The following VAV3 variants were observed in gnomAD, a reference collection of about 807,000 sequenced individuals.
VAV3 encodes guanine nucleotide exchange factor VAV3.
A neutral mutation model predicts 131.2 loss-of-function variants in VAV3; 94 were observed. The observed-to-expected ratio is 0.72, with a 90% confidence interval of 0.61 to 0.85. VAV3 has a LOEUF of 0.85. VAV3 is among the 40% of genes least tolerant of loss of function. The pLI is 0.00. For synonymous variants in VAV3, 349 were observed against 342.0 expected (o/e 1.02, Z -0.22); for missense variants, 939 against 1,002.7 (o/e 0.94, Z 0.86).
intron 17 of VAV3, 166 bp from the exon 18 acceptor site, chr1:107,688,572 ACCT>A (rs1196412732): frequency 6.7e-7 from 1 of 1,499,060 alleles, no homozygotes; most frequent in Non-Finnish European, 8.9e-7. Flanking sequence ...TTATTTTGCA[ACCT>A]TGGTTCTCTT....
At chr1:107,574,477 CA>C (rs1207099601) in intron 25 of VAV3, among the ~76,000 whole-genome samples, 1 of 151,554 alleles carries the variant, frequency 6.6e-6, no homozygotes, top group African/African-American at 2.4e-5. Context: ...AAAAATGAAA[CA>C]AAACAAAACA....
intron 19 of VAV3, among the ~76,000 whole-genome samples, chr1:107,666,406 ATTGGTGTGTGGGCTTTC>A (rs1203623349): frequency 2.0e-5 from 3 of 152,220 alleles, no homozygotes; most frequent in African/African-American, 7.2e-5. Flanking sequence ...CAATTTGGAA[ATTGGTGTGTGGGCTTTC>A]AGGACTGTGA....
chr1:107,712,890 T>C (rs767234706), intron 15 of VAV3, among the ~76,000 whole-genome samples: 1 of 152,200 alleles, frequency 6.6e-6, no homozygotes, highest in Non-Finnish European at 1.5e-5. Context: ...TATGACCTTG[T>C]CGGTGTATTA....
At chr1:107,586,509 T>C (rs1356407664) in intron 25 of VAV3, among the ~76,000 whole-genome samples, 6 of 152,134 alleles carry the variant, frequency 3.9e-5, no homozygotes, top group Admixed American at 3.9e-4. Flanking sequence ...AAATTAACTG[T>C]TGAAGAATGA....
At chr1:107,831,027 G>C (rs1022618535) in intron 2 of VAV3, among the ~76,000 whole-genome samples, 5 of 152,126 alleles carry the variant, frequency 3.3e-5, no homozygotes, top group Admixed American at 3.3e-4. Flanking sequence ...TACTTCTACA[G>C]GTTGAGTATC....
intron 15 of VAV3, among the ~76,000 whole-genome samples, chr1:107,737,032 G>C (rs1662687878): frequency 6.6e-6 from 1 of 152,064 alleles, no homozygotes; most frequent in Non-Finnish European, 1.5e-5. Flanking sequence ...ACAGAATAGA[G>C]GCCTCAGAAA....
At chr1:107,854,158 A>C (rs561143032) in intron 2 of VAV3, among the ~76,000 whole-genome samples, 98 of 152,202 alleles carry the variant, frequency 6.4e-4, no homozygotes, top group Non-Finnish European at 1.2e-3. Context: ...AAAAATACAA[A>C]AATTAGCCAG....
At chr1:107,946,763 G>A (rs1674280935) in intron 1 of VAV3, among the ~76,000 whole-genome samples, 1 of 152,146 alleles carries the variant, frequency 6.6e-6, no homozygotes. Flanking sequence ...TGAAGAAATT[G>A]CTCAGTGTCT....
At chr1:107,803,132 T>C (rs1435169670) in intron 2 of VAV3, among the ~76,000 whole-genome samples, 1 of 151,990 alleles carries the variant, frequency 6.6e-6, no homozygotes, top group Non-Finnish European at 1.5e-5. Context: ...TGGCCTATAC[T>C]TATAATAGTT....
intron 25 of VAV3, among the ~76,000 whole-genome samples, chr1:107,582,105 C>T (rs576300497): frequency 6.6e-6 from 1 of 152,148 alleles, no homozygotes; most frequent in Non-Finnish European, 1.5e-5. Flanking sequence ...CTTGCGTTTG[C>T]TGCCCAGCAG....
At chr1:107,868,055 A>G (rs779052679) in intron 2 of VAV3, among the ~76,000 whole-genome samples, 3 of 152,180 alleles carry the variant, frequency 2.0e-5, no homozygotes, top group African/African-American at 7.2e-5. Context: ...GCATCAGAGC[A>G]CTAAAGCTGT....
At chr1:107,840,217 T>C (rs1020087788) in intron 2 of VAV3, among the ~76,000 whole-genome samples, 3 of 152,222 alleles carry the variant, frequency 2.0e-5, no homozygotes, top group Admixed American at 6.5e-5. Flanking sequence ...GTTGTAAATG[T>C]TGTAAATGTT....
At chr1:107,877,002 G>C (rs1670533982) in intron 1 of VAV3, among the ~76,000 whole-genome samples, 1 of 151,768 alleles carries the variant, frequency 6.6e-6, no homozygotes, top group South Asian at 2.1e-4. Context: ...TAATACATTT[G>C]AAACATTTGG....
intron 15 of VAV3, among the ~76,000 whole-genome samples, chr1:107,730,239 C>G (rs79803135): frequency 9.8e-4 from 149 of 152,340 alleles, no homozygotes; most frequent in African/African-American, 3.5e-3. Context: ...CATTATCATA[C>G]TGTGTCCATA....
chr1:107,818,756 T>C (rs1667665343), intron 2 of VAV3, among the ~76,000 whole-genome samples: 1 of 152,210 alleles, frequency 6.6e-6, no homozygotes, highest in African/African-American at 2.4e-5. Context: ...ATCATGTAGA[T>C]GAAAGCTGAC....
In VAV3 at chr1:107,879,336, TC is replaced by T. The variant is rs201088965; in HGVS notation, c.205-4320del. 5.5e-3 allele frequency among the ~76,000 whole-genome samples: 838 copies of T among 152,322 alleles called. 16 individuals are homozygous for T. Among genetic ancestry groups the T allele is most frequent in the East Asian group, 0.035 (181 of 5,188 alleles). On this transcript the variant is annotated intron_variant, in intron 1 of 26. Transcript: ENST00000370056. ...CTCCACCATTTGCTTAAGCAATCTA[TC>T]ACTTGCAACAGAACGGCTCATATAC...
At chr1:107,880,300 G>C (rs1378558953) in intron 1 of VAV3, among the ~76,000 whole-genome samples, 4 of 152,196 alleles carry the variant, frequency 2.6e-5, no homozygotes, top group African/African-American at 9.6e-5. Context: ...TTCCAGACTT[G>C]CAGTGAGAGG....
At chr1:107,654,241 C>T (rs887925068) in intron 19 of VAV3, among the ~76,000 whole-genome samples, 45 of 151,884 alleles carry the variant, frequency 3.0e-4, no homozygotes, top group Non-Finnish European at 8.8e-5. Flanking sequence ...CTACTCTTTT[C>T]CAAGAAAGCT....
At chr1:107,765,380 C>T (rs770680797) in intron 8 of VAV3, among the ~76,000 whole-genome samples, 7 of 152,188 alleles carry the variant, frequency 4.6e-5, no homozygotes, top group Non-Finnish European at 1.0e-4. Context: ...GTAGTTCCAA[C>T]TTTGAATGAG....
Sources: allele counts gnomAD v4.1 joint callset (sites outside exome capture counted in the v4.1 genomes callset), GRCh38; gene constraint gnomAD v4.1.1; transcripts MANE v1.5; gene names NCBI Gene and HGNC (gene_info 2026-07-23, HGNC 2026-07-21).